The following UBE3B variants were observed in gnomAD, a reference collection of about 807,000 sequenced individuals.
UBE3B encodes the protein ubiquitin protein ligase E3B.
UBE3B carries 80 observed loss-of-function variants against 132.3 expected under a neutral mutation model. The ratio of observed to expected loss-of-function variants is 0.60; its 90% confidence interval spans 0.50 to 0.73. The LOEUF (loss-of-function observed/expected upper bound fraction) is 0.73, where lower values mean the gene tolerates loss of function less well. Among genes scored for constraint, UBE3B ranks in the 30% least tolerant of loss-of-function variants. The probability of loss-of-function intolerance (pLI) is 0.00; values close to 1 mark genes in which losing one functional copy is unlikely to be tolerated. For missense variants in UBE3B, 1,196 were observed against 1,362.5 expected, an observed-to-expected ratio of 0.88 and a Z score of 1.92; for synonymous variants, 487 against 520.4, an observed-to-expected ratio of 0.94 and a Z score of 0.87.
rs1464298889 is a variant in UBE3B at position 109,490,811 on chromosome 12, T to C, written c.631-234T>C. On this transcript the variant is annotated intron_variant, in intron 8 of 27. Transcript: ENST00000342494. ...AAAAACACTGCATACGGTTTTTTGTTTTTTTGTTTTTTTGTTTTTTTTTTA... is the reference window on the plus strand; with the variant it reads ...AAAAACACTGCATACGGTTTTTTGTCTTTTTGTTTTTTTGTTTTTTTTTTA... 2.7e-5 allele frequency: 35 copies of C among 1,283,820 alleles called. No homozygotes were observed. In the East Asian group the frequency reaches 8.9e-4, roughly 33 times the overall value. The allele number at this position is 1,283,820 out of a possible 1,614,324, so 79.5% of individuals were successfully genotyped here. A position where few individuals can be genotyped will look rare whatever the true frequency, so the allele number is the denominator to read the frequency against.
chr12:109,488,590 T>C lies in UBE3B; in HGVS notation c.466T>C (p.Ser156Pro). 1 of 1,614,166 alleles carries C rather than the reference T, an allele frequency of 6.2e-7. No individual in the cohort carries two copies. The change falls in exon 7 of 28, where the codon TCC becomes CCC. Residue 156 changes from serine to proline, a missense_variant. Physicochemically the swap from Ser to Pro is moderately conservative, Grantham distance 74. Coordinates refer to ENST00000342494, the MANE Select transcript of UBE3B (RefSeq NM_130466.4). ...KQLKPEILQD[S>P]RLITLYLTML... ...TTTCCAGCCTGAAATCCTGCAGGAC[T>C]CCCGACTCATCACCCTGTACCTCAC...
rs1466114716 is a variant in UBE3B, at chr12:109,497,809, T to C, written c.714-9T>C. ...ACCTGTCTGAATGAGTGGATCTATC[T>C]GTGTCTAGCCCTGTGATTGCTGCAC... is the stretch of plus-strand genomic sequence containing the variant. On this transcript the variant is annotated splice_polypyrimidine_tract_variant and intron_variant, in intron 9 of 27. Transcript: ENST00000342494. The C allele has an allele frequency of 1.2e-5, 19 of 1,613,938 alleles. No individual in the cohort carries two copies. The highest frequency in any genetic ancestry group is 1.6e-5 in the Non-Finnish European group (19 of 1,179,962).
chr12:109,490,291 T>G (rs1877237092), intron 8 of UBE3B: 1 of 1,198,536 alleles, frequency 8.3e-7, no homozygotes, highest in African/African-American at 1.5e-5. Context: ...CAGGGCTTGT[T>G]CCCTCAGATT....
chr12:109,540,941 G>A (rs569387212), downstream of UBE3B, among the ~76,000 whole-genome samples: 21 of 152,352 alleles, frequency 1.4e-4, no homozygotes, highest in East Asian at 2.7e-3. Flanking sequence ...CAAGAAGTGC[G>A]GTGGGCGGGA....
chr12:109,485,176 A>G (rs1876203491), intron 4 of UBE3B, among the ~76,000 whole-genome samples: 1 of 152,260 alleles, frequency 6.6e-6, no homozygotes, highest in African/African-American at 2.4e-5. Context: ...AATCCCAGAA[A>G]AGCAGCTAGT....
chr12:109,477,675 C>A lies in UBE3B; in HGVS notation c.-562C>A, dbSNP rs961614980. The A allele has an allele frequency of 9.7e-6, 2 of 205,356 alleles. No individual in the cohort carries two copies. The highest frequency in any genetic ancestry group is 1.6e-4 in the East Asian group (1 of 6,410). 12.7% of individuals were successfully genotyped at this position (205,356 alleles called of 1,614,324 possible). A position where few individuals can be genotyped will look rare whatever the true frequency, so the allele number is the denominator to read the frequency against. ...GATGGCGGTAGTGCGTCGGCTGCTG[C>A]CCCGGGTCTGGCAGAACTCGGGTGT... On this transcript the variant is annotated 5_prime_UTR_variant, in exon 1 of 28. Transcript: ENST00000342494.
intron 8 of UBE3B, 168 bp from the exon 9 acceptor site, chr12:109,490,877 A>G (rs1877361790): frequency 9.3e-7 from 1 of 1,077,870 alleles, no homozygotes; most frequent in South Asian, 1.9e-5. Context: ...GCCTCAAGGA[A>G]TCTTCCTGCC....
intron 19 of UBE3B, 57 bp downstream of exon 19, chr12:109,516,941 G>C (rs1425295147): frequency 6.3e-7 from 1 of 1,588,452 alleles, no homozygotes; most frequent in Non-Finnish European, 8.6e-7. Flanking sequence ...CAACATGGAA[G>C]CTCTTTAGTG....
At chr12:109,514,914 T>C (rs571993667) in intron 18 of UBE3B, among the ~76,000 whole-genome samples, 1 of 151,580 alleles carries the variant, frequency 6.6e-6, no homozygotes, top group South Asian at 2.1e-4. Flanking sequence ...CCTTTCTTCT[T>C]CTTTTTTTTT....
chr12:109,528,856 AAAAAG>A (rs1375956677), intron 24 of UBE3B, among the ~76,000 whole-genome samples: 9 of 145,988 alleles, frequency 6.2e-5, no homozygotes, highest in East Asian at 2.0e-4. Context: ...TCTCAAAAAA[AAAAAG>A]AAAAGAAAAA....
chr12:109,507,435 C>A, intron 14 of UBE3B, 129 bp from the exon 15 acceptor site: 1 of 1,015,280 alleles, frequency 9.8e-7, no homozygotes. Flanking sequence ...TCCATAATCC[C>A]ACCTTCTTTT....
chr12:109,528,441 A>T, intron 24 of UBE3B: 2 of 985,184 alleles, frequency 2.0e-6, no homozygotes. Flanking sequence ...AATTTTTTTA[A>T]ATAGGGATAT....
In UBE3B at chr12:109,509,667, C is replaced by G. The variant is rs745812554; in HGVS notation, c.1694C>G (p.Ser565Cys). Residue 565 changes from serine (S) to cysteine (C), a missense_variant, in exon 16 of 28, where the codon TCT becomes TGT. Coordinates refer to ENST00000342494, the MANE Select transcript of UBE3B (RefSeq NM_130466.4). ...CTGGAAGAGCTGGTCACTATCTCCT[C>G]TTTCCTGAATTCTTTTGTGTTTAAG... is the stretch of plus-strand genomic sequence containing the variant. ...FKLEELVTIS[S>C]FLNSFVFKMI... The G allele has an allele frequency of 6.2e-7, 1 of 1,611,170 alleles. No homozygotes were observed. The highest frequency in any genetic ancestry group is 1.1e-5 in the South Asian group (1 of 90,146).
chr12:109,519,197 A>T (rs77985171), intron 19 of UBE3B, among the ~76,000 whole-genome samples: 1,803 of 152,290 alleles, frequency 0.012, 18 homozygotes, highest in Non-Finnish European at 0.018. Flanking sequence ...ACTTCAGTCA[A>T]GGTCACTTGG....
At chr12:109,482,127 A>G (rs146821281) in intron 2 of UBE3B, among the ~76,000 whole-genome samples, 1 of 152,296 alleles carries the variant, frequency 6.6e-6, no homozygotes, top group Non-Finnish European at 1.5e-5. Context: ...ATAACACGTA[A>G]TTAATTTAAT....
intron 8 of UBE3B, chr12:109,490,792 A>G (rs1010220028): frequency 1.6e-5 from 21 of 1,344,896 alleles, no homozygotes; most frequent in Non-Finnish European, 1.8e-5. Context: ...TTATAAAAAC[A>G]CTGCATACGG....
At chr12:109,525,427 AG>A (rs1183180551) in intron 23 of UBE3B, among the ~76,000 whole-genome samples, 1 of 152,088 alleles carries the variant, frequency 6.6e-6, no homozygotes, top group Non-Finnish European at 1.5e-5. Context: ...TCCTGGAATC[AG>A]GGGAAACCTC....
chr12:109,542,495 C>CA, the UBE3B span, among the ~76,000 whole-genome samples: 2 of 152,096 alleles, frequency 1.3e-5, no homozygotes, highest in Admixed American at 6.5e-5. Context: ...AATTCTGTCC[C>CA]AAAAAAGATG....
chr12:109,484,287 C>T (rs372744344), intron 4 of UBE3B, among the ~76,000 whole-genome samples: 6 of 152,128 alleles, frequency 3.9e-5, no homozygotes, highest in South Asian at 4.1e-4. Flanking sequence ...TCATATTAAA[C>T]GGTAACTGAC....
Sources: allele counts gnomAD v4.1 joint callset (sites outside exome capture counted in the v4.1 genomes callset), GRCh38; gene constraint gnomAD v4.1.1; transcripts MANE v1.5; gene names NCBI Gene and HGNC (gene_info 2026-07-23, HGNC 2026-07-21).